Variants in DPF3 observed in about 807,000 individuals in gnomAD.
The protein encoded by DPF3 is double PHD fingers 3, also known as zinc finger protein DPF3.
A neutral mutation model predicts 56.8 loss-of-function variants in DPF3; 18 were observed. That is an observed-to-expected ratio of 0.32 (90% CI 0.22 to 0.47). The LOEUF (loss-of-function observed/expected upper bound fraction) is 0.47. DPF3 is among the 20% of genes least tolerant of loss of function. The probability of loss-of-function intolerance (pLI) is 1.00; values close to 1 mark genes in which losing one functional copy is unlikely to be tolerated. For synonymous variants in DPF3, 188 were observed against 180.2 expected (o/e 1.04, Z -0.35); for missense variants, 403 against 488.8 (o/e 0.82, Z 1.65).
intron 1 of DPF3, among the ~76,000 whole-genome samples, chr14:72,863,720 A>T (rs1007459840): frequency 7.2e-5 from 11 of 152,184 alleles, no homozygotes; most frequent in African/African-American, 2.7e-4. Flanking sequence ...AGAGATAGCT[A>T]AGGCTCAATT....
chr14:72,793,708 C>T (rs1892530945), intron 1 of DPF3, among the ~76,000 whole-genome samples: 1 of 152,238 alleles, frequency 6.6e-6, no homozygotes, highest in Admixed American at 6.5e-5. Flanking sequence ...GACAGATCAC[C>T]GTCCCCACCT....
intron 8 of DPF3, among the ~76,000 whole-genome samples, chr14:72,651,144 G>A (rs1885896115): frequency 6.6e-6 from 1 of 152,232 alleles, no homozygotes. Context: ...ACTGTAACCA[G>A]GTCTCCTAAG....
intron 1 of DPF3, among the ~76,000 whole-genome samples, chr14:72,861,756 A>AAAGG (rs1885431044): frequency 6.8e-6 from 1 of 146,622 alleles, no homozygotes; most frequent in African/African-American, 2.7e-5. Context: ...AGAAAGAAAG[A>AAAGG]AAGAAAGAAA....
intron 1 of DPF3, among the ~76,000 whole-genome samples, chr14:72,824,551 C>CTT (rs375498304): frequency 0.05 from 7,159 of 143,206 alleles, 458 homozygotes; most frequent in African/African-American, 0.15. Context: ...TTTTCTTTTT[C>CTT]TTTTTTTTTT....
At chr14:72,690,499 C>A (rs1256225408) in intron 7 of DPF3, among the ~76,000 whole-genome samples, 3 of 151,848 alleles carry the variant, frequency 2.0e-5, no homozygotes, top group Non-Finnish European at 4.4e-5. Flanking sequence ...CAGGTACACA[C>A]ACAATACACA....
At chr14:72,626,974 G>A (rs1470658642) in intron 9 of DPF3, among the ~76,000 whole-genome samples, 5 of 151,312 alleles carry the variant, frequency 3.3e-5, no homozygotes, top group Non-Finnish European at 5.9e-5. Context: ...TCTTTTGTGG[G>A]TTGTCTTTCA....
intron 6 of DPF3, among the ~76,000 whole-genome samples, chr14:72,701,086 G>C (rs1417623340): frequency 2.0e-5 from 3 of 152,192 alleles, no homozygotes; most frequent in Non-Finnish European, 4.4e-5. Context: ...AATATCTGTC[G>C]TGCGGAATCA....
At chr14:72,685,143 A>T (rs1275364005) in intron 7 of DPF3, among the ~76,000 whole-genome samples, 2 of 152,218 alleles carry the variant, frequency 1.3e-5, no homozygotes, top group Non-Finnish European at 2.9e-5. Context: ...TAACATGTTC[A>T]TCTCTTTTGA....
chr14:72,756,112 T>A (rs184886081), intron 2 of DPF3, among the ~76,000 whole-genome samples: 310 of 152,152 alleles, frequency 2.0e-3, no homozygotes, highest in Admixed American at 4.1e-3. Flanking sequence ...GGAGGGGACA[T>A]GAAGGAGGGG....
At chr14:72,776,413 A>ATCCC (rs746953147) in intron 1 of DPF3, among the ~76,000 whole-genome samples, 2 of 152,080 alleles carry the variant, frequency 1.3e-5, no homozygotes, top group Non-Finnish European at 2.9e-5. Context: ...TACTTCTGTG[A>ATCCC]TCCCATCTGA....
At chr14:72,836,359 A>C in intron 1 of DPF3, 1 of 985,550 alleles carries the variant, frequency 1.0e-6, no homozygotes, top group Non-Finnish European at 1.2e-6. Context: ...GTGGCACACC[A>C]GCACTCCAGA....
intron 1 of DPF3, among the ~76,000 whole-genome samples, chr14:72,789,832 C>T (rs1168859851): frequency 6.6e-6 from 1 of 152,146 alleles, no homozygotes; most frequent in African/African-American, 2.4e-5. Context: ...CTGGGTGCAC[C>T]TGGGCTGGTG....
At chr14:72,780,281 G>C (rs941883478) in intron 1 of DPF3, among the ~76,000 whole-genome samples, 3 of 152,206 alleles carry the variant, frequency 2.0e-5, no homozygotes, top group Non-Finnish European at 4.4e-5. Flanking sequence ...ATCTCTACCA[G>C]TAGGGTTTGC....
intron 6 of DPF3, among the ~76,000 whole-genome samples, chr14:72,695,509 T>C (rs1191544069): frequency 6.6e-6 from 1 of 152,224 alleles, no homozygotes; most frequent in Non-Finnish European, 1.5e-5. Flanking sequence ...CACTTATAAG[T>C]AGAACATATG....
intron 6 of DPF3, among the ~76,000 whole-genome samples, chr14:72,712,199 GA>G (rs1427519857): frequency 2.0e-5 from 3 of 152,200 alleles, no homozygotes; most frequent in Non-Finnish European, 4.4e-5. Context: ...AGGGCACACA[GA>G]AGGTGGGAGA....
intron 8 of DPF3, among the ~76,000 whole-genome samples, chr14:72,645,785 C>T (rs1885706058): frequency 6.6e-6 from 1 of 152,146 alleles, no homozygotes; most frequent in Non-Finnish European, 1.5e-5. Flanking sequence ...ACCCTCAACG[C>T]TCCTACACCC....
At chr14:72,725,987 G>A (rs1889392726) in intron 4 of DPF3, among the ~76,000 whole-genome samples, 1 of 152,210 alleles carries the variant, frequency 6.6e-6, no homozygotes, top group Non-Finnish European at 1.5e-5. Flanking sequence ...ATCTAACAGA[G>A]AAGAAGCATT....
At chr14:72,720,569 G>A (rs1889127457) in intron 5 of DPF3, among the ~76,000 whole-genome samples, 1 of 152,174 alleles carries the variant, frequency 6.6e-6, no homozygotes, top group South Asian at 2.1e-4. Flanking sequence ...CCCCCTCACT[G>A]TGTTCAGGTG....
chr14:72,885,227 C>G (rs1308634520), intron 1 of DPF3, among the ~76,000 whole-genome samples: 23 of 151,050 alleles, frequency 1.5e-4, no homozygotes, highest in African/African-American at 4.4e-4. Flanking sequence ...TGTGTTTATC[C>G]CAGAACGCAA....
Sources: allele counts gnomAD v4.1 joint callset (sites outside exome capture counted in the v4.1 genomes callset), GRCh38; gene constraint gnomAD v4.1.1; transcripts MANE v1.5; gene names NCBI Gene and HGNC (gene_info 2026-07-23, HGNC 2026-07-21).